The following PKD1 variants were observed in gnomAD, a reference collection of about 807,000 sequenced individuals.
The protein encoded by PKD1 is polycystin 1, transient receptor potential channel interacting.
A neutral mutation model predicts 361.7 loss-of-function variants in PKD1; 81 were observed. That is an observed-to-expected ratio of 0.22 (90% CI 0.19 to 0.27). The LOEUF is 0.27. Ranked by LOEUF, PKD1 falls within the 10% of genes least tolerant of loss-of-function variation. The pLI, the probability that PKD1 is intolerant of heterozygous loss-of-function variation, is 1.00. For missense variants in PKD1, 6,399 were observed against 6,118.3 expected (o/e 1.05, Z -1.53); for synonymous variants, 3,615 against 2,818.3 (o/e 1.28, Z -8.95).
Position 2,106,963 on chromosome 16 carries a change from G to A in PKD1, c.7066-15C>T. The A allele has an allele frequency of 6.3e-7, 1 of 1,582,486 alleles. No individual in the cohort carries two copies. Among genetic ancestry groups the A allele is most frequent in the East Asian group, 2.2e-5 (1 of 44,822 alleles). On this transcript the variant is annotated splice_polypyrimidine_tract_variant and intron_variant, in intron 16 of 45. Transcript: ENST00000262304. The surrounding 1 kb of genome is among the most constrained non-coding windows in gnomAD (Gnocchi z 6.5). The stretch of plus-strand genomic sequence containing the variant: ...CGGATCAGCACCTGGCGTGGGAGTG[G>A]GGTTACCTCCAACACAGGTCTATTT...
chr16:2,106,661 G>A lies in PKD1; in HGVS notation c.7226C>T (p.Thr2409Met), dbSNP rs1446061270. 6.3e-6 allele frequency: 10 copies of A among 1,596,516 alleles called. No homozygotes were observed. Among genetic ancestry groups the A allele is most frequent in the Admixed American group, 1.7e-5 (1 of 59,888 alleles). Reference protein sequence around the residue: ...GSKRGRWAARTFSNKTLVLDE... With the variant: ...GSKRGRWAARMFSNKTLVLDE... ...CAGCACCAGCGTCTTGTTGCTGAAC[G>A]TACGTGCAGCCCACCGCTGCAGGCA... Residue 2409 changes from threonine to methionine, a missense_variant, in exon 18 of 46, where the codon ACG (threonine) becomes ATG (methionine). Thr to Met is a moderately conservative substitution (Grantham distance 81). Coordinates refer to ENST00000262304, the MANE Select transcript of PKD1 (RefSeq NM_001009944.3). The surrounding 1 kb of genome is among the most constrained non-coding windows in gnomAD (Gnocchi z 6.5).
chr16:2,132,862 ATC>A (rs1383668321), intron 1 of PKD1, among the ~76,000 whole-genome samples: 196 of 149,712 alleles, frequency 1.3e-3, no homozygotes, highest in African/African-American at 4.8e-3. Flanking sequence ...CGGGCGGATC[ATC>A]TGAGGTCAGG....
At chr16:2,125,056 C>T (rs999266792) in intron 1 of PKD1, among the ~76,000 whole-genome samples, 7 of 152,350 alleles carry the variant, frequency 4.6e-5, no homozygotes, top group East Asian at 1.9e-4. Context: ...ACCCCCACTG[C>T]GGCCCCTTCC....
At chr16:2,123,973 G>C (rs527361379) in intron 1 of PKD1, among the ~76,000 whole-genome samples, 5 of 152,202 alleles carry the variant, frequency 3.3e-5, no homozygotes, top group African/African-American at 1.2e-4. Context: ...CCGAGCGTCC[G>C]ATCTGGAAGG....
intron 34 of PKD1, 86 bp downstream of exon 34, chr16:2,097,057 CACCCT>C: frequency 1.3e-6 from 1 of 743,332 alleles, no homozygotes; most frequent in Non-Finnish European, 2.3e-6. Context: ...CACCCCACCC[CACCCT>C]ACCCCAGGCG....
chr16:2,112,777 G>A lies in PKD1; in HGVS notation c.3161+11C>T, dbSNP rs1369531538. ...TGGTGCCCACCCCAAACCGGCCCCC[G>A]AGTCACTCACAGGAAGGCCACCTCC... On this transcript the variant is annotated intron_variant, in intron 13 of 45. Transcript: ENST00000262304. 3.1e-6 allele frequency: 5 copies of A among 1,595,112 alleles called. No individual in the cohort carries two copies. Among genetic ancestry groups the A allele is most frequent in the Non-Finnish European group, 4.2e-6 (5 of 1,178,520 alleles).
chr16:2,092,026 C>CG, intron 40 of PKD1, 21 bp downstream of exon 40: 2 of 1,612,608 alleles, frequency 1.2e-6, no homozygotes, highest in Non-Finnish European at 1.7e-6. Context: ...CGTAGACGCC[C>CG]GGGGCCCTCG....
At chr16:2,098,033 G>A (rs1555448631) in intron 30 of PKD1, 49 bp from the exon 31 acceptor site, 1 of 1,013,246 alleles carries the variant, frequency 9.9e-7, no homozygotes, top group Non-Finnish European at 1.5e-6. Flanking sequence ...GACCTGCTCA[G>A]GACAGGGATG....
rs758100518 is a variant in PKD1, at chr16:2,105,970, G to C, written c.7758C>G (p.Val2586=). 4 of 1,601,484 alleles carry C rather than the reference G, an allele frequency of 2.5e-6. No homozygotes were observed. Among genetic ancestry groups the C allele is most frequent in the African/African-American group, 2.7e-5 (2 of 74,958 alleles). Residue 2586 remains valine, a synonymous_variant, in exon 20 of 46, where the codon GTC becomes GTG. Transcript: ENST00000262304. ...EPNGSATGLT[V]WLHGLTASVL... ...CACTAGCGGTGAGCCCGTGCAGCCA[G>C]ACTGTGAGCCCCGTTGCGCTGCCGT...
intron 26 of PKD1, among the ~76,000 whole-genome samples, chr16:2,101,413 C>T (rs958691593): frequency 2.0e-5 from 3 of 152,166 alleles, no homozygotes; most frequent in East Asian, 1.9e-4. Context: ...TCTGGCAGGC[C>T]GAGGCAGGCG....
chr16:2,129,109 C>T (rs2092835440), intron 1 of PKD1, among the ~76,000 whole-genome samples: 2 of 151,696 alleles, frequency 1.3e-5, no homozygotes, highest in African/African-American at 4.8e-5. Flanking sequence ...GATCCCCCCA[C>T]CTTGGCCTCC....
intron 22 of PKD1, 51 bp downstream of exon 22, chr16:2,104,447 G>A (rs2092254230): frequency 3.5e-6 from 5 of 1,435,962 alleles, no homozygotes; most frequent in Non-Finnish European, 4.7e-6. Context: ...GGGAGGCAGA[G>A]GAAAGGGCCG....
At chr16:2,120,960 T>C (rs1273021171) in intron 1 of PKD1, among the ~76,000 whole-genome samples, 4 of 150,054 alleles carry the variant, frequency 2.7e-5, no homozygotes, top group African/African-American at 4.9e-5. Flanking sequence ...AAGGTTGCAG[T>C]GAGCCAAGAT....
intron 22 of PKD1, 71 bp downstream of exon 22, chr16:2,104,427 G>T (rs575887101): frequency 5.0e-6 from 6 of 1,191,838 alleles, no homozygotes; most frequent in Admixed American, 2.1e-5. Context: ...CGACGCGGTT[G>T]GGGGGAGGAG....
At chr16:2,121,682 G>A (rs536872418) in intron 1 of PKD1, among the ~76,000 whole-genome samples, 6 of 152,164 alleles carry the variant, frequency 3.9e-5, no homozygotes, top group South Asian at 4.2e-4. Context: ...CACCTCGGGG[G>A]TCACTCTGCC....
intron 20 of PKD1, 135 bp from the exon 21 acceptor site, chr16:2,105,609 G>A (rs2092310297): frequency 1.3e-6 from 2 of 1,575,626 alleles, no homozygotes; most frequent in South Asian, 2.2e-5. Context: ...ACAACACTGA[G>A]CTGTTTCTTC....
In PKD1 at chr16:2,091,551, C is replaced by T; in HGVS notation, c.11584G>A (p.Gly3862Arg). ...CGCAGCGTGACGGCGGCGTGCAGCC[C>T]CACGGCCGGGCTGTAGCGCGTGAGC... ...LELTRYSPAVGLHAAVTLRLE... is the reference protein window; with the variant it reads ...LELTRYSPAVRLHAAVTLRLE... The change falls in exon 42 of 46, where the codon GGG becomes AGG. Residue 3862 changes from glycine (G) to arginine (R), a missense_variant. Transcript: ENST00000262304. The T allele has an allele frequency of 1.3e-6, 2 of 1,527,966 alleles. No homozygotes were observed. The highest frequency in any genetic ancestry group is 1.7e-6 in the Non-Finnish European group (2 of 1,150,196). 94.7% of individuals were successfully genotyped at this position (1,527,966 alleles called of 1,614,324 possible). A position where few individuals can be genotyped will look rare whatever the true frequency, so the allele number is the denominator to read the frequency against.
rs1438956815 is a variant in PKD1 at position 2,118,974 on chromosome 16, G to A, written c.360-129C>T. ...CCCCTGCCCCAACCAAGCCGGCACT[G>A]GGGGGCTCCAAGCAGGCAGTGAACT... is the stretch of plus-strand genomic sequence containing the variant. On this transcript the variant is annotated intron_variant, in intron 3 of 45. Transcript: ENST00000262304. This position sits in a 1 kb window ranked among gnomAD's most constrained non-coding sequence, Gnocchi z 6.0. 5.9e-6 allele frequency: 5 copies of A among 849,754 alleles called. No homozygotes were observed. The highest frequency in any genetic ancestry group is 2.0e-5 in the Admixed American group (1 of 49,278). The allele number at this position is 849,754 out of a possible 1,614,324, so 52.6% of individuals were successfully genotyped here.
At position 2,108,680 on chromosome 16, in the gene PKD1, G is replaced by A. The variant is rs1555454411; in HGVS notation, c.6487C>T (p.Arg2163Ter). Reference protein sequence around the residue: ...VVLPLQVLMRRSQRNYLEAHV... With the variant: ...VVLPLQVLMR The stretch of plus-strand genomic sequence containing the variant: ...GCCTCCAAGTAGTTGCGCTGTGATC[G>A]CCGCATCAGCACCTGCAGGGGCAGG... Residue 2163 changes from arginine (R) to a stop codon, truncating the protein, a stop_gained, in exon 15 of 46, where the codon CGA becomes TGA. Coordinates refer to ENST00000262304, the MANE Select transcript of PKD1 (RefSeq NM_001009944.3). LOFTEE classifies it high-confidence loss of function. 2 of 1,567,808 alleles carry A rather than the reference G, an allele frequency of 1.3e-6. No individual in the cohort carries two copies. Among genetic ancestry groups the A allele is most frequent in the Non-Finnish European group, 8.6e-7 (1 of 1,157,320 alleles).
Sources: gnomAD v4.1 joint callset for allele counts (sites outside exome capture counted in the v4.1 genomes callset) on GRCh38, gnomAD v4.1.1 for gene constraint, Gnocchi (gnomAD v3.1) non-coding constraint, MANE v1.5 for transcripts, NCBI Gene and HGNC (gene_info 2026-07-23, HGNC 2026-07-21) for gene names.